ZFYVE16: variants seen among roughly 807,000 people sequenced by gnomAD.
ZFYVE16 encodes the protein zinc finger FYVE domain-containing protein 16.
A neutral mutation model predicts 138.1 loss-of-function variants in ZFYVE16; 89 were observed. That is an observed-to-expected ratio of 0.64 (90% CI 0.54 to 0.77). The LOEUF is 0.77. Ranked by LOEUF, ZFYVE16 falls within the 30% of genes least tolerant of loss-of-function variation. The probability of loss-of-function intolerance (pLI) is 0.00; values close to 1 mark genes in which losing one functional copy is unlikely to be tolerated. For synonymous variants in ZFYVE16, 596 were observed against 618.3 expected (o/e 0.96, Z 0.53); for missense variants, 1,793 against 1,786.7 (o/e 1.00, Z -0.06).
Position 80,449,691 on chromosome 5 carries a change from C to T in ZFYVE16, c.3204C>T (p.Leu1068=), listed in dbSNP as rs1438771276. 12 of 1,597,562 alleles carry T rather than the reference C, an allele frequency of 7.5e-6. No individual in the cohort carries two copies. Among genetic ancestry groups the T allele is most frequent in the Middle Eastern group, 1.7e-4 (1 of 6,014 alleles). ...CATTTGTCCTAAATGCTAATCTACT[C>T]GTGAATGTCAAATTCATATTTTGTA... ...PVTFVLNANL[L]VNVKFIFYSS... Residue 1068 remains leucine, a synonymous_variant, in exon 9 of 19, where the codon CTC becomes CTT. Coordinates refer to ENST00000505560, the MANE Select transcript of ZFYVE16 (RefSeq NM_001284236.3).
At chr5:80,445,885 A>G (rs1370318687) in intron 7 of ZFYVE16, among the ~76,000 whole-genome samples, 1 of 141,178 alleles carries the variant, frequency 7.1e-6, no homozygotes, top group Non-Finnish European at 1.5e-5. Flanking sequence ...AAATCACCAC[A>G]CCTGGCAGAT....
At chr5:80,473,720 T>C (rs1754609269) in intron 16 of ZFYVE16, 34 bp from the exon 17 acceptor site, 1 of 1,439,234 alleles carries the variant, frequency 6.9e-7, no homozygotes, top group Non-Finnish European at 9.6e-7. Context: ...ACATTGGTGC[T>C]AATAATTCTA....
At chr5:80,463,112 A>G (rs529061909) in intron 15 of ZFYVE16, among the ~76,000 whole-genome samples, 76 of 152,212 alleles carry the variant, frequency 5.0e-4, no homozygotes, top group African/African-American at 1.8e-3. Flanking sequence ...GAGGATGGTG[A>G]CCCTCTTCTC....
At position 80,481,244 on chromosome 5, in the gene ZFYVE16, T is replaced by C. The variant is rs906604783; in HGVS notation, c.*3867T>C. Among the ~76,000 whole-genome samples the C allele has an allele frequency of 2.6e-5, 4 of 152,106 alleles. No individual in the cohort carries two copies. The highest frequency in any genetic ancestry group is 4.4e-5 in the Non-Finnish European group (3 of 68,016). ...ACATTGCAGGGCAGAACACTGGCAA[T>C]GGGGAGGCTAACGCCCTGACTTTCT... On this transcript the variant is annotated 3_prime_UTR_variant, in exon 19 of 19. Transcript: ENST00000505560.
chr5:80,434,326 G>A (rs529588810), intron 3 of ZFYVE16, 109 bp downstream of exon 3: 8 of 1,025,248 alleles, frequency 7.8e-6, no homozygotes, highest in East Asian at 2.4e-5. Context: ...TTTTGGTCAC[G>A]TTATCTTCTG....
At chr5:80,419,076 T>G (rs1272089885) in intron 1 of ZFYVE16, among the ~76,000 whole-genome samples, 3 of 151,316 alleles carry the variant, frequency 2.0e-5, no homozygotes, top group African/African-American at 7.3e-5. Flanking sequence ...TTTTTTTTTT[T>G]TGGGGGGTCT....
intron 1 of ZFYVE16, among the ~76,000 whole-genome samples, chr5:80,408,833 A>G (rs1397418622): frequency 6.6e-6 from 1 of 152,170 alleles, no homozygotes; most frequent in Admixed American, 6.5e-5. Flanking sequence ...CATACATTTG[A>G]TATTAAGTTA....
In ZFYVE16 at chr5:80,474,793, A is replaced by G. The variant is rs1471868885; in HGVS notation, c.4424A>G (p.Asn1475Ser). The G allele has an allele frequency of 6.2e-7, 1 of 1,613,288 alleles. No homozygotes were observed. The highest frequency in any genetic ancestry group is 1.7e-5 in the Admixed American group (1 of 59,906). ...AAAACTCTAAAAAGTAATGGGATGAATAAAATTGGACTCAGAGTTTCCATT... is the reference window on the plus strand; with the variant it reads ...AAAACTCTAAAAAGTAATGGGATGAGTAAAATTGGACTCAGAGTTTCCATT... ...HLKTLKSNGMNKIGLRVSIDT... is the reference protein window; with the variant it reads ...HLKTLKSNGMSKIGLRVSIDT... Residue 1475 changes from asparagine to serine, a missense_variant, in exon 18 of 19, where the codon AAT becomes AGT. By Grantham distance (46) the Asn-to-Ser change is conservative. Transcript: ENST00000505560.
intron 7 of ZFYVE16, among the ~76,000 whole-genome samples, chr5:80,446,937 C>T (rs915883023): frequency 2.0e-5 from 3 of 151,962 alleles, no homozygotes; most frequent in African/African-American, 4.8e-5. Flanking sequence ...GTGCCAGTCA[C>T]CTGGTCGATT....
At chr5:80,463,893 T>C (rs1753403653) in intron 15 of ZFYVE16, among the ~76,000 whole-genome samples, 1 of 152,176 alleles carries the variant, frequency 6.6e-6, no homozygotes, top group Non-Finnish European at 1.5e-5. Context: ...GCCAGTCTCT[T>C]TGCCAAAGCA....
chr5:80,477,239 T>A lies in ZFYVE16; in HGVS notation c.4482T>A (p.Ser1494=). Residue 1494 remains serine, a synonymous_variant, in exon 19 of 19, where the codon TCT becomes TCA. Coordinates refer to ENST00000505560, the MANE Select transcript of ZFYVE16 (RefSeq NM_001284236.3). The stretch of plus-strand genomic sequence containing the variant: ...TCTAGGTTGAATTTCAGGCAGGATC[T>A]GAAGGCCAACTTCTGCCTCAGCATT... The part of the protein sequence containing the change: ...DTDMVEFQAG[S]EGQLLPQHYL... The A allele has an allele frequency of 6.3e-7, 1 of 1,596,872 alleles. No homozygotes were observed. The highest frequency in any genetic ancestry group is 8.5e-7 in the Non-Finnish European group (1 of 1,175,658).
At chr5:80,466,283 T>C (rs907014683) in intron 15 of ZFYVE16, among the ~76,000 whole-genome samples, 5 of 152,204 alleles carry the variant, frequency 3.3e-5, no homozygotes, top group Non-Finnish European at 7.3e-5. Flanking sequence ...TGTTCATTTT[T>C]CTTCTTTTTT....
chr5:80,411,134 ATTTTTTTTTTTT>A (rs58086060), intron 1 of ZFYVE16, among the ~76,000 whole-genome samples: 3 of 95,244 alleles, frequency 3.1e-5, no homozygotes, highest in Non-Finnish European at 5.9e-5. Context: ...CGCCCAGCTA[ATTTTTTTTTTTT>A]TTTTTTTTTG....
chr5:80,442,945 T>G (rs1750883910), intron 5 of ZFYVE16, 178 bp from the exon 6 acceptor site: 1 of 558,440 alleles, frequency 1.8e-6, no homozygotes, highest in Non-Finnish European at 3.0e-6. Context: ...TGCTGCCAAC[T>G]AAAGAGCCTG....
At chr5:80,440,206 C>A in intron 5 of ZFYVE16, 174 bp downstream of exon 5, 2 of 1,224,934 alleles carry the variant, frequency 1.6e-6, no homozygotes, top group Non-Finnish European at 1.0e-6. Flanking sequence ...TCCACTCTCA[C>A]AATTAATACT....
chr5:80,425,972 A>C (rs576914200), intron 1 of ZFYVE16, among the ~76,000 whole-genome samples: 2 of 152,262 alleles, frequency 1.3e-5, no homozygotes, highest in East Asian at 3.8e-4. Context: ...TTTTGTACTT[A>C]TTAACTGGAA....
At chr5:80,416,826 C>T (rs1746328488) in intron 1 of ZFYVE16, among the ~76,000 whole-genome samples, 1 of 152,104 alleles carries the variant, frequency 6.6e-6, no homozygotes, top group African/African-American at 2.4e-5. Context: ...AAACCAAGAT[C>T]TGGGTGCTAA....
chr5:80,443,776 C>T (rs1156931970), intron 6 of ZFYVE16: 1 of 456,150 alleles, frequency 2.2e-6, no homozygotes, highest in Non-Finnish European at 4.4e-6. Context: ...TTCTTCCCAC[C>T]TTATGGTCTC....
chr5:80,434,836 TACA>T (rs1749646012), intron 3 of ZFYVE16, among the ~76,000 whole-genome samples: 2 of 152,082 alleles, frequency 1.3e-5, no homozygotes, highest in African/African-American at 4.8e-5. Flanking sequence ...GATATTTCAT[TACA>T]ACAAGAGATG....
Sources: allele counts gnomAD v4.1 joint callset (sites outside exome capture counted in the v4.1 genomes callset), GRCh38; gene constraint gnomAD v4.1.1; transcripts MANE v1.5; gene names NCBI Gene and HGNC (gene_info 2026-07-23, HGNC 2026-07-21).